Variants in WDR7 observed in about 807,000 individuals in gnomAD.
WDR7 encodes the protein WD repeat domain 7.
WDR7 carries 46 observed loss-of-function variants against 169.4 expected under a neutral mutation model. That is an observed-to-expected ratio of 0.27 (90% CI 0.21 to 0.35). The LOEUF (loss-of-function observed/expected upper bound fraction) is 0.35, where lower values mean the gene tolerates loss of function less well. WDR7 is among the 10% of genes least tolerant of loss of function. The probability of loss-of-function intolerance (pLI) is 1.00; values close to 1 mark genes in which losing one functional copy is unlikely to be tolerated. For synonymous variants in WDR7, 612 were observed against 666.8 expected, an observed-to-expected ratio of 0.92 and a Z score of 1.27; for missense variants, 1,534 against 1,859.3, an observed-to-expected ratio of 0.83 and a Z score of 3.22.
chr18:56,715,068 C>CTGTGGGG (rs1285798025), intron 12 of WDR7, among the ~76,000 whole-genome samples: 1 of 152,054 alleles, frequency 6.6e-6, no homozygotes, highest in Non-Finnish European at 1.5e-5. Flanking sequence ...GCCTGTGTAT[C>CTGTGGGG]TGTGGGGAGG....
intron 20 of WDR7, among the ~76,000 whole-genome samples, chr18:56,826,701 C>T (rs1447903215): frequency 1.3e-5 from 2 of 151,928 alleles, no homozygotes; most frequent in African/African-American, 4.8e-5. Flanking sequence ...ACTATTTATC[C>T]TAAATAAAGA....
intron 12 of WDR7, 78 bp from the exon 13 acceptor site, chr18:56,717,886 G>A: frequency 7.2e-7 from 1 of 1,380,098 alleles, no homozygotes; most frequent in Non-Finnish European, 9.7e-7. Flanking sequence ...AATTAATTTT[G>A]CCTTAAGTTA....
intron 26 of WDR7, among the ~76,000 whole-genome samples, chr18:57,002,481 A>G (rs887189552): frequency 2.0e-5 from 3 of 152,174 alleles, no homozygotes; most frequent in Non-Finnish European, 2.9e-5. Flanking sequence ...GTTTTCCACA[A>G]TGTGTCTCTG....
At chr18:56,798,268 T>C (rs1037343439) in intron 19 of WDR7, among the ~76,000 whole-genome samples, 1 of 151,894 alleles carries the variant, frequency 6.6e-6, no homozygotes, top group African/African-American at 2.4e-5. Flanking sequence ...GCAGAGGGAG[T>C]TGACTTTCAT....
chr18:56,959,575 A>G (rs2047308036), intron 25 of WDR7, among the ~76,000 whole-genome samples: 1 of 152,152 alleles, frequency 6.6e-6, no homozygotes, highest in Admixed American at 6.6e-5. Context: ...CCTAAGTGAC[A>G]TGTTATCAAC....
intron 13 of WDR7, among the ~76,000 whole-genome samples, chr18:56,727,178 T>G (rs2026476654): frequency 6.6e-6 from 1 of 152,222 alleles, no homozygotes; most frequent in Admixed American, 6.5e-5. Flanking sequence ...ACATCTATTT[T>G]TTTCCCAATT....
chr18:57,004,452 A>G (rs1245462556), intron 26 of WDR7, among the ~76,000 whole-genome samples: 5 of 152,132 alleles, frequency 3.3e-5, no homozygotes, highest in African/African-American at 1.2e-4. Flanking sequence ...CTACAACATT[A>G]AGAATTCTCT....
rs73958322 is a variant in WDR7 at position 56,783,599 on chromosome 18, G to A, written c.3190+1943G>A. 5.0e-3 allele frequency among the ~76,000 whole-genome samples: 756 copies of A among 152,304 alleles called. 11 individuals carry two copies. The highest frequency in any genetic ancestry group is 0.018 in the African/African-American group (728 of 41,570). ...ACATCTTTATTCCAAATGGACTCGT[G>A]TGAAGTAGGGAAATTGATTAAAGTA... On this transcript the variant is annotated intron_variant, in intron 19 of 27. Coordinates refer to ENST00000254442, the MANE Select transcript of WDR7 (RefSeq NM_015285.3).
At chr18:56,868,893 C>T (rs2045917234) in intron 20 of WDR7, among the ~76,000 whole-genome samples, 1 of 152,078 alleles carries the variant, frequency 6.6e-6, no homozygotes. Flanking sequence ...ACTTAGCTGC[C>T]TTAGATACTT....
intron 14 of WDR7, among the ~76,000 whole-genome samples, chr18:56,736,001 G>A (rs753622139): frequency 1.3e-5 from 2 of 152,140 alleles, no homozygotes; most frequent in African/African-American, 2.4e-5. Context: ...TTTTATAAAA[G>A]CAGTTCAAAA....
In WDR7 at chr18:56,840,040, C is replaced by T. The variant is rs192612225; in HGVS notation, c.3304+23896C>T. On this transcript the variant is annotated intron_variant, in intron 20 of 27. Transcript: ENST00000254442. ...TCGCGCCACTGCACTCCTGCTCTGA[C>T]GACAGTGTGAGATTCCATCTCAAAA... 1.6e-4 allele frequency among the ~76,000 whole-genome samples: 24 copies of T among 152,082 alleles called. No homozygotes were observed. The East Asian group carries it at 2.9e-3, about 18-fold the overall frequency.
At chr18:56,978,436 T>C (rs1280294263) in intron 26 of WDR7, among the ~76,000 whole-genome samples, 1 of 152,214 alleles carries the variant, frequency 6.6e-6, no homozygotes, top group Non-Finnish European at 1.5e-5. Flanking sequence ...ATTTTTAGGC[T>C]AAAGGAAATA....
At chr18:57,003,818 CCACTT>C (rs376570943) in intron 26 of WDR7, among the ~76,000 whole-genome samples, 2 of 152,134 alleles carry the variant, frequency 1.3e-5, no homozygotes, top group African/African-American at 2.4e-5. Flanking sequence ...TTATCTGACT[CCACTT>C]CATTCCTTGC....
Position 56,965,614 on chromosome 18 carries a change from G to A in WDR7, c.4164+3085G>A, listed in dbSNP as rs771448472. Among the ~76,000 whole-genome samples, 8 of 152,040 alleles carry A rather than the reference G, an allele frequency of 5.3e-5. No homozygotes were observed. The South Asian group carries it at 1.0e-3, about 20-fold the overall frequency. On this transcript the variant is annotated intron_variant, in intron 26 of 27. Coordinates refer to ENST00000254442, the MANE Select transcript of WDR7 (RefSeq NM_015285.3). ...TGTTTTAGTAAATAAAGTTTTATTC[G>A]AACACAGGCACACACATTCGTTTAT...
At chr18:56,759,949 A>ATGG (rs2043956658) in intron 16 of WDR7, among the ~76,000 whole-genome samples, 1 of 152,146 alleles carries the variant, frequency 6.6e-6, no homozygotes, top group African/African-American at 2.4e-5. Context: ...GCACTGTCAG[A>ATGG]TGGTTCTCAT....
intron 20 of WDR7, among the ~76,000 whole-genome samples, chr18:56,862,775 T>C (rs947716815): frequency 2.6e-5 from 4 of 152,018 alleles, no homozygotes; most frequent in East Asian, 3.9e-4. Context: ...GCATAAGACT[T>C]GGAATTGGAT....
Position 57,020,832 on chromosome 18 carries a change from C to T in WDR7, c.4252C>T (p.His1418Tyr), listed in dbSNP as rs1281408184. 1 of 1,614,176 alleles carries T rather than the reference C, an allele frequency of 6.2e-7. No homozygotes were observed. Among genetic ancestry groups the T allele is most frequent in the Non-Finnish European group, 8.5e-7 (1 of 1,180,016 alleles). The change falls in exon 27 of 28, where the codon CAC becomes TAC. Residue 1418 changes from histidine to tyrosine, a missense_variant. Physicochemically the swap from His to Tyr is moderately conservative, Grantham distance 83 (BLOSUM62 2). Transcript: ENST00000254442. The part of the protein sequence containing the change: ...YLATYSNTDS[H>Y]ISFWQMNTSL... ...TGCCACCTACTCAAACACTGACAGC[C>T]ACATTTCTTTTTGGCAGGTAAGAGT... is the stretch of plus-strand genomic sequence containing the variant.
At chr18:56,935,454 G>A (rs2046945359) in intron 22 of WDR7, among the ~76,000 whole-genome samples, 1 of 152,070 alleles carries the variant, frequency 6.6e-6, no homozygotes, top group South Asian at 2.1e-4. Context: ...GGAAAAATTT[G>A]AAAATATTCA....
chr18:57,009,913 A>T, intron 26 of WDR7: 1 of 985,444 alleles, frequency 1.0e-6, no homozygotes, highest in Non-Finnish European at 1.2e-6. Flanking sequence ...GCTCTAACCA[A>T]ACCATCTTCC....
Sources: allele counts gnomAD v4.1 joint callset (sites outside exome capture counted in the v4.1 genomes callset), GRCh38; gene constraint gnomAD v4.1.1; transcripts MANE v1.5; gene names NCBI Gene and HGNC (gene_info 2026-07-23, HGNC 2026-07-21).